Variants in SPOCK3 observed in about 807,000 individuals in gnomAD.
SPOCK3 encodes SPARC (osteonectin), cwcv and kazal like domains proteoglycan 3.
SPOCK3 carries 30 observed loss-of-function variants against 56.6 expected under a neutral mutation model. The observed-to-expected ratio is 0.53, with a 90% CI of 0.40 to 0.72. SPOCK3 has a LOEUF of 0.72. Among genes scored for constraint, SPOCK3 ranks in the 30% least tolerant of loss-of-function variants. The pLI is 0.00. For missense variants in SPOCK3, 527 were observed against 530.0 expected (o/e 0.99, Z 0.06); for synonymous variants, 196 against 183.3 (o/e 1.07, Z -0.56).
chr4:166,917,631 T>C (rs1380911498), intron 4 of SPOCK3, among the ~76,000 whole-genome samples: 2 of 152,140 alleles, frequency 1.3e-5, no homozygotes, highest in East Asian at 1.9e-4. Flanking sequence ...GTCACTCACT[T>C]GTGATAGTGA....
chr4:166,924,167 T>A (rs1738807973), intron 4 of SPOCK3, among the ~76,000 whole-genome samples: 1 of 152,142 alleles, frequency 6.6e-6, no homozygotes, highest in African/African-American at 2.4e-5. Context: ...AACAAGTGTC[T>A]TTTTTTCCTC....
At chr4:166,932,355 T>G (rs1721369229) in intron 4 of SPOCK3, among the ~76,000 whole-genome samples, 1 of 152,184 alleles carries the variant, frequency 6.6e-6, no homozygotes, top group African/African-American at 2.4e-5. Context: ...AAAGCCTTTT[T>G]CCTACACAAG....
At chr4:166,955,587 T>C (rs1315258910) in intron 4 of SPOCK3, among the ~76,000 whole-genome samples, 1 of 145,302 alleles carries the variant, frequency 6.9e-6, no homozygotes, top group African/African-American at 2.5e-5. Flanking sequence ...TTAAATTATA[T>C]TAAATTTAAT....
intron 2 of SPOCK3, among the ~76,000 whole-genome samples, chr4:167,223,205 T>C (rs1362422244): frequency 7.3e-6 from 1 of 136,538 alleles, no homozygotes; most frequent in Admixed American, 7.6e-5. Flanking sequence ...ATAATGTATA[T>C]TTTATATGTG....
chr4:166,737,961 G>C (rs2126359636), intron 9 of SPOCK3, among the ~76,000 whole-genome samples: 1 of 152,272 alleles, frequency 6.6e-6, no homozygotes, highest in South Asian at 2.1e-4. Flanking sequence ...AGACCACTTA[G>C]CATGGCAGAA....
chr4:167,015,935 C>T (rs1173345885), intron 3 of SPOCK3, among the ~76,000 whole-genome samples: 1 of 152,052 alleles, frequency 6.6e-6, no homozygotes, highest in African/African-American at 2.4e-5. Flanking sequence ...ATCTGGTGAG[C>T]TAATATGCCA....
intron 4 of SPOCK3, among the ~76,000 whole-genome samples, chr4:166,945,495 A>T (rs1331533971): frequency 6.6e-6 from 1 of 152,090 alleles, no homozygotes. Flanking sequence ...GATTCCCTTG[A>T]CGTAATCAGT....
chr4:166,877,998 C>T (rs1694712940), intron 6 of SPOCK3, among the ~76,000 whole-genome samples: 2 of 152,026 alleles, frequency 1.3e-5, no homozygotes, highest in African/African-American at 4.8e-5. Flanking sequence ...ACAAAATGGC[C>T]GGGCGCGGTG....
At chr4:166,991,616 C>T (rs1046043708) in intron 4 of SPOCK3, among the ~76,000 whole-genome samples, 2 of 151,950 alleles carry the variant, frequency 1.3e-5, no homozygotes, top group Non-Finnish European at 2.9e-5. Flanking sequence ...GTCACCTGCC[C>T]ACCTCAGCCT....
intron 2 of SPOCK3, among the ~76,000 whole-genome samples, chr4:167,199,700 TAATAA>T (rs1345732762): frequency 1.3e-5 from 1 of 75,144 alleles, no homozygotes; most frequent in Non-Finnish European, 2.5e-5. Flanking sequence ...AAATAAATAA[TAATAA>T]TAATAATAAT....
intron 6 of SPOCK3, among the ~76,000 whole-genome samples, chr4:166,886,520 G>A (rs1734216560): frequency 6.6e-6 from 1 of 151,958 alleles, no homozygotes; most frequent in South Asian, 2.1e-4. Context: ...ACCAATTTAT[G>A]CACATTTCTT....
chr4:166,910,351 T>C (rs2127090458), intron 5 of SPOCK3, among the ~76,000 whole-genome samples: 1 of 152,242 alleles, frequency 6.6e-6, no homozygotes, highest in South Asian at 2.1e-4. Context: ...ATTAAAATAA[T>C]AATTCAAATA....
chr4:166,987,141 A>C (rs561503966), intron 4 of SPOCK3, among the ~76,000 whole-genome samples: 1 of 152,164 alleles, frequency 6.6e-6, no homozygotes, highest in Non-Finnish European at 1.5e-5. Flanking sequence ...GCCCTATAAG[A>C]TATGAGTGCT....
At chr4:167,126,359 C>A (rs1440739967) in intron 2 of SPOCK3, among the ~76,000 whole-genome samples, 3 of 146,044 alleles carry the variant, frequency 2.1e-5, no homozygotes, top group African/African-American at 7.4e-5. Flanking sequence ...ACCAGCCTGG[C>A]CAACTTGGCA....
intron 3 of SPOCK3, among the ~76,000 whole-genome samples, chr4:167,010,952 C>T (rs995696711): frequency 6.6e-6 from 1 of 152,122 alleles, no homozygotes; most frequent in Non-Finnish European, 1.5e-5. Context: ...TATATAGTTA[C>T]TTTCATCCAG....
At chr4:167,003,640 G>T (rs986249312) in intron 3 of SPOCK3, among the ~76,000 whole-genome samples, 9 of 152,092 alleles carry the variant, frequency 5.9e-5, no homozygotes, top group Admixed American at 6.6e-5. Flanking sequence ...CCGCATGATT[G>T]TATTTAGTTT....
chr4:167,068,959 T>C lies in SPOCK3; in HGVS notation c.190-6422A>G, dbSNP rs1020209936. On this transcript the variant is annotated intron_variant, in intron 2 of 10. Coordinates refer to ENST00000357545, the MANE Select transcript of SPOCK3 (RefSeq NM_001040159.2). The stretch of plus-strand genomic sequence containing the variant: ...AACCTAACTTATAAACATGTTGATA[T>C]AGGACATAGGAACCCAAAAATTTAA... Among the ~76,000 whole-genome samples, 12 of 152,048 alleles carry C rather than the reference T, an allele frequency of 7.9e-5. No homozygotes were observed. In the South Asian group the frequency reaches 1.2e-3, roughly 16 times the overall value.
At chr4:167,132,320 G>T (rs1027599434) in intron 2 of SPOCK3, among the ~76,000 whole-genome samples, 6 of 152,080 alleles carry the variant, frequency 3.9e-5, no homozygotes, top group African/African-American at 1.4e-4. Flanking sequence ...TCATATCAGA[G>T]ACCAAGCATT....
chr4:167,206,172 A>G (rs191322384), intron 2 of SPOCK3, among the ~76,000 whole-genome samples: 248 of 152,114 alleles, frequency 1.6e-3, no homozygotes, highest in Non-Finnish European at 2.5e-3. Flanking sequence ...AAAAATACAA[A>G]AATTAGCTGA....
Sources: gnomAD v4.1 joint callset for allele counts (sites outside exome capture counted in the v4.1 genomes callset) on GRCh38, gnomAD v4.1.1 for gene constraint, MANE v1.5 for transcripts, NCBI Gene and HGNC (gene_info 2026-07-23, HGNC 2026-07-21) for gene names.